Variants in SRBD1 observed in about 807,000 individuals in gnomAD.
SRBD1 encodes S1 RNA-binding domain-containing protein 1.
A neutral mutation model predicts 115.3 loss-of-function variants in SRBD1; 88 were observed. The observed-to-expected ratio is 0.76, with a 90% CI of 0.64 to 0.91. SRBD1 has a LOEUF of 0.91. Ranked by LOEUF, SRBD1 falls within the 40% of genes least tolerant of loss-of-function variation. The pLI, the probability that SRBD1 is intolerant of heterozygous loss-of-function variation, is 0.00. For synonymous variants in SRBD1, 509 were observed against 407.7 expected (o/e 1.25, Z -2.99); for missense variants, 1,385 against 1,177.4 (o/e 1.18, Z -2.58).
chr2:45,597,614 A>C (rs1044260067), intron 4 of SRBD1, among the ~76,000 whole-genome samples: 4 of 152,216 alleles, frequency 2.6e-5, no homozygotes, highest in African/African-American at 9.6e-5. Context: ...AAGACACCAG[A>C]TAGAGAGAAA....
At chr2:45,441,758 A>T (rs1339060581) in intron 16 of SRBD1, among the ~76,000 whole-genome samples, 1 of 152,222 alleles carries the variant, frequency 6.6e-6, no homozygotes, top group East Asian at 1.9e-4. Flanking sequence ...GCTTGAGGGC[A>T]TTACAGCAGC....
At chr2:45,513,375 C>T (rs1164675441) in intron 14 of SRBD1, among the ~76,000 whole-genome samples, 26 of 150,564 alleles carry the variant, frequency 1.7e-4, no homozygotes, top group Non-Finnish European at 1.5e-5. Flanking sequence ...GTAACAAGGG[C>T]TAGATTACAA....
chr2:45,584,492 G>C (rs190363419), intron 5 of SRBD1, among the ~76,000 whole-genome samples: 66 of 152,308 alleles, frequency 4.3e-4, no homozygotes, highest in Admixed American at 1.2e-3. Flanking sequence ...AGGTAGAAAA[G>C]TGAGATGCAA....
chr2:45,515,650 A>G (rs1671096683), intron 14 of SRBD1, among the ~76,000 whole-genome samples: 1 of 152,162 alleles, frequency 6.6e-6, no homozygotes, highest in African/African-American at 2.4e-5. Flanking sequence ...CTCTACCACC[A>G]TGACAACCCC....
chr2:45,519,013 G>T (rs973789331), intron 14 of SRBD1, among the ~76,000 whole-genome samples: 3 of 149,122 alleles, frequency 2.0e-5, no homozygotes, highest in Non-Finnish European at 4.4e-5. Flanking sequence ...AGAATTTCTA[G>T]CAAAGTATAT....
intron 11 of SRBD1, among the ~76,000 whole-genome samples, chr2:45,552,842 T>C (rs1167383364): frequency 6.6e-6 from 1 of 152,180 alleles, no homozygotes; most frequent in Admixed American, 6.5e-5. Context: ...TCTGAACCCA[T>C]CTTAATTCAA....
At chr2:45,516,410 G>A (rs1162902086) in intron 14 of SRBD1, among the ~76,000 whole-genome samples, 3 of 152,196 alleles carry the variant, frequency 2.0e-5, no homozygotes, top group Non-Finnish European at 2.9e-5. Flanking sequence ...GATACTATTC[G>A]GCCATCCTTA....
chr2:45,579,073 C>T (rs1187252097), intron 7 of SRBD1, among the ~76,000 whole-genome samples: 1 of 152,106 alleles, frequency 6.6e-6, no homozygotes, highest in Admixed American at 6.5e-5. Flanking sequence ...ATCCTAACAG[C>T]GAATTCCTGA....
At chr2:45,605,531 T>G (rs1243548797) in intron 1 of SRBD1, 90 bp from the exon 2 acceptor site, 1 of 1,227,422 alleles carries the variant, frequency 8.1e-7, no homozygotes, top group African/African-American at 1.5e-5. Flanking sequence ...AAACTAACAT[T>G]TCATAGGAAA....
In SRBD1 at chr2:45,556,762, C is replaced by T. The variant is rs1448257157; in HGVS notation, c.1410-3032G>A. Among the ~76,000 whole-genome samples the T allele has an allele frequency of 3.3e-5, 5 of 152,268 alleles. No individual in the cohort carries two copies. The East Asian group carries it at 9.6e-4, about 29-fold the overall frequency. ...ATAGGCGTGACCCACCATGTCTGGCCTTGCTCTATGTTCATGGTGGATTTA... is the reference window on the plus strand; with the variant it reads ...ATAGGCGTGACCCACCATGTCTGGCTTTGCTCTATGTTCATGGTGGATTTA... On this transcript the variant is annotated intron_variant, in intron 10 of 20. Transcript: ENST00000263736.
Position 45,547,504 on chromosome 2 carries a change from G to C in SRBD1, c.1766+18C>G, listed in dbSNP as rs1572760450. 2.5e-6 allele frequency: 4 copies of C among 1,608,714 alleles called. No homozygotes were observed. In the East Asian group the frequency reaches 6.7e-5, roughly 27 times the overall value. The stretch of plus-strand genomic sequence containing the variant: ...GACTGAGCCACTGATATATTCAAAA[G>C]ATTACTTATTTTCATACTTGAAATT... On this transcript the variant is annotated intron_variant, in intron 13 of 20. Transcript: ENST00000263736.
At chr2:45,549,094 T>C (rs1292151039) in intron 12 of SRBD1, 1 of 152,142 alleles carries the variant, frequency 6.6e-6, no homozygotes, top group Non-Finnish European at 1.5e-5. Context: ...AAAACACTGA[T>C]CCCTATGAAC....
chr2:45,418,598 A>G (rs1667904802), intron 17 of SRBD1, 57 bp from the exon 18 acceptor site: 10 of 1,509,524 alleles, frequency 6.6e-6, no homozygotes, highest in Non-Finnish European at 8.9e-6. Context: ...AGACAATGAT[A>G]TAAAACATTT....
At chr2:45,504,551 A>G (rs1670739972) in intron 14 of SRBD1, among the ~76,000 whole-genome samples, 1 of 152,220 alleles carries the variant, frequency 6.6e-6, no homozygotes, top group Admixed American at 6.5e-5. Flanking sequence ...TTATAATTTA[A>G]CCATAATATT....
At chr2:45,425,499 A>C (rs934995896) in intron 16 of SRBD1, among the ~76,000 whole-genome samples, 7 of 152,176 alleles carry the variant, frequency 4.6e-5, no homozygotes, top group Non-Finnish European at 7.4e-5. Flanking sequence ...GATGCCATTA[A>C]AAATCACACA....
At chr2:45,458,997 CAACA>C (rs149262853) in intron 16 of SRBD1, among the ~76,000 whole-genome samples, 1,597 of 152,172 alleles carry the variant, frequency 0.01, 26 homozygotes, top group African/African-American at 0.029. Context: ...GGCAGGCTGT[CAACA>C]AACAAACAGC....
chr2:45,573,094 A>G, intron 9 of SRBD1, 113 bp downstream of exon 9: 1 of 1,201,354 alleles, frequency 8.3e-7, no homozygotes, highest in Non-Finnish European at 1.1e-6. Context: ...TTATATAAAG[A>G]AAAAAGAAAA....
chr2:45,562,906 GT>G (rs1347332348), intron 9 of SRBD1, 150 bp from the exon 10 acceptor site: 2 of 491,378 alleles, frequency 4.1e-6, no homozygotes, highest in Non-Finnish European at 3.6e-6. Context: ...CTTTTTTCAA[GT>G]AACATACCTC....
At chr2:45,430,251 C>T (rs1347666094) in intron 16 of SRBD1, among the ~76,000 whole-genome samples, 2 of 152,144 alleles carry the variant, frequency 1.3e-5, no homozygotes, top group Admixed American at 1.3e-4. Flanking sequence ...TCCCCCCCAT[C>T]AAGCTACCAC....
Sources: gnomAD v4.1 joint callset for allele counts (sites outside exome capture counted in the v4.1 genomes callset) on GRCh38, gnomAD v4.1.1 for gene constraint, MANE v1.5 for transcripts, NCBI Gene and HGNC (gene_info 2026-07-23, HGNC 2026-07-21) for gene names.